Variants in BBS9 observed in about 807,000 individuals in gnomAD.
BBS9 encodes the protein protein PTHB1.
BBS9 carries 89 observed loss-of-function variants against 117.7 expected under a neutral mutation model. The ratio of observed to expected loss-of-function variants is 0.76; its 90% CI spans 0.64 to 0.90. BBS9 has a LOEUF of 0.90. Ranked by LOEUF, BBS9 falls within the 40% of genes least tolerant of loss-of-function variation. BBS9 has a pLI of 0.00. For synonymous variants in BBS9, 379 were observed against 370.9 expected, an observed-to-expected ratio of 1.02 and a Z score of -0.25; for missense variants, 982 against 1,042.2, an observed-to-expected ratio of 0.94 and a Z score of 0.80.
chr7:33,420,444 T>G (rs2128853325), intron 19 of BBS9, among the ~76,000 whole-genome samples: 1 of 152,298 alleles, frequency 6.6e-6, no homozygotes, highest in Non-Finnish European at 1.5e-5. Flanking sequence ...GGTCTGGGTT[T>G]GCTGCCTGAC....
chr7:33,349,431 T>C (rs1002256934), intron 13 of BBS9: 7 of 464,040 alleles, frequency 1.5e-5, no homozygotes, highest in South Asian at 3.4e-5. Context: ...TAATTGTTTT[T>C]GATTTATTTA....
At chr7:33,222,078 A>T (rs1178029447) in intron 5 of BBS9, among the ~76,000 whole-genome samples, 1 of 152,168 alleles carries the variant, frequency 6.6e-6, no homozygotes, top group Admixed American at 6.5e-5. Flanking sequence ...AGATACAATG[A>T]TGTGTTTGAA....
At chr7:33,238,732 T>A (rs1200477465) in intron 5 of BBS9, among the ~76,000 whole-genome samples, 2 of 152,178 alleles carry the variant, frequency 1.3e-5, no homozygotes, top group Admixed American at 1.3e-4. Context: ...TTTTTTAGCC[T>A]TTTTACTGTG....
At chr7:33,488,194 T>A (rs1843377251) in intron 19 of BBS9, among the ~76,000 whole-genome samples, 1 of 152,200 alleles carries the variant, frequency 6.6e-6, no homozygotes, top group African/African-American at 2.4e-5. Context: ...GTGCTGTCCA[T>A]CTACTTGCAC....
chr7:33,458,628 G>A (rs1229309394), intron 19 of BBS9, among the ~76,000 whole-genome samples: 3 of 152,162 alleles, frequency 2.0e-5, no homozygotes, highest in Non-Finnish European at 2.9e-5. Context: ...ATGAGTTACA[G>A]TGAATTTGGC....
chr7:33,558,128 G>A lies in BBS9; in HGVS notation c.2521+23952G>A, dbSNP rs138337510. Among the ~76,000 whole-genome samples, 144 of 152,170 alleles carry A rather than the reference G, an allele frequency of 9.5e-4. 1 individual carries two copies. Among genetic ancestry groups the A allele is most frequent in the African/African-American group, 3.3e-3 (136 of 41,492 alleles). ...TATTTTATAAATCCTTATTGAATAC[G>A]TACTCTGTGCCCATTCTGATACTAT... On this transcript the variant is annotated intron_variant, in intron 21 of 22. Transcript: ENST00000242067.
intron 6 of BBS9, among the ~76,000 whole-genome samples, chr7:33,260,691 T>A (rs1449608959): frequency 6.6e-6 from 1 of 152,212 alleles, no homozygotes; most frequent in Non-Finnish European, 1.5e-5. Context: ...CCTCAAATAG[T>A]ATTCAAGGAG....
chr7:33,295,853 T>C (rs1272103445), intron 9 of BBS9, among the ~76,000 whole-genome samples: 1 of 152,044 alleles, frequency 6.6e-6, no homozygotes, highest in Non-Finnish European at 1.5e-5. Flanking sequence ...AAGTTACAAA[T>C]TGACACCACT....
At chr7:33,483,385 A>G (rs1163719852) in intron 19 of BBS9, among the ~76,000 whole-genome samples, 3 of 152,166 alleles carry the variant, frequency 2.0e-5, no homozygotes, top group Non-Finnish European at 4.4e-5. Context: ...GCTCTGTTCA[A>G]TGATAATGGT....
At chr7:33,499,221 G>T (rs557061591) in intron 19 of BBS9, among the ~76,000 whole-genome samples, 1 of 152,282 alleles carries the variant, frequency 6.6e-6, no homozygotes, top group African/African-American at 2.4e-5. Context: ...AAAACTTTTT[G>T]AATCAGACAC....
chr7:33,551,438 TA>T (rs1854398732), intron 21 of BBS9, among the ~76,000 whole-genome samples: 1 of 149,418 alleles, frequency 6.7e-6, no homozygotes, highest in South Asian at 2.1e-4. Context: ...CCTTTCAAAA[TA>T]AGATAAGACA....
downstream of BBS9, among the ~76,000 whole-genome samples, chr7:33,609,362 G>T (rs929739704): frequency 6.6e-6 from 1 of 152,048 alleles, no homozygotes; most frequent in African/African-American, 2.4e-5. Flanking sequence ...TTCTTCATTA[G>T]CTAGATTATT....
intron 9 of BBS9, among the ~76,000 whole-genome samples, chr7:33,318,769 T>C (rs558719548): frequency 6.6e-6 from 1 of 152,186 alleles, no homozygotes; most frequent in South Asian, 2.1e-4. Flanking sequence ...CAAAGTCCAT[T>C]GTATCATTCT....
At chr7:33,153,417 T>G (rs1395474859) in intron 3 of BBS9, among the ~76,000 whole-genome samples, 1 of 152,242 alleles carries the variant, frequency 6.6e-6, no homozygotes, top group African/African-American at 2.4e-5. Context: ...GCTTTTTATT[T>G]ACTGATGATA....
intron 1 of BBS9, among the ~76,000 whole-genome samples, chr7:33,135,825 C>T (rs1255027165): frequency 6.6e-6 from 1 of 152,082 alleles, no homozygotes; most frequent in African/African-American, 2.4e-5. Flanking sequence ...GAGATGTTTT[C>T]CATTTATTTA....
chr7:33,398,349 C>G (rs779178939), intron 19 of BBS9, among the ~76,000 whole-genome samples: 3 of 151,902 alleles, frequency 2.0e-5, no homozygotes, highest in Admixed American at 1.3e-4. Flanking sequence ...TTGAATTATT[C>G]CATATATGAG....
In BBS9 at chr7:33,592,483, C is replaced by T. The variant is rs1018198234; in HGVS notation, c.2522-12382C>T. On this transcript the variant is annotated intron_variant, in intron 21 of 22. Coordinates refer to ENST00000242067, the MANE Select transcript of BBS9 (RefSeq NM_198428.3). ...GTGTATTTCTCTTTTCTTTAAAATA[C>T]GACATTGTTTAATGGGCTGTTAAAC... Among the ~76,000 whole-genome samples the T allele has an allele frequency of 1.1e-4, 16 of 152,114 alleles. No homozygotes were observed. The East Asian group carries it at 1.2e-3, about 11-fold the overall frequency.
chr7:33,460,589 A>G (rs1012254531), intron 19 of BBS9, among the ~76,000 whole-genome samples: 1 of 152,030 alleles, frequency 6.6e-6, no homozygotes, highest in Non-Finnish European at 1.5e-5. Context: ...TGTTCAAGGT[A>G]TTCTTAATTT....
rs147947701 is a variant in BBS9, at chr7:33,226,385, T to C, written c.443-30851T>C. ...GATTTTATATCTGATAGGTCTTTTA[T>C]TGATAAGTGTTAGATAAGTGCTGCT... On this transcript the variant is annotated intron_variant, in intron 5 of 22. Transcript: ENST00000242067. 1.4e-4 allele frequency among the ~76,000 whole-genome samples: 22 copies of C among 152,340 alleles called. No homozygotes were observed. In the East Asian group the frequency reaches 4.2e-3, roughly 29 times the overall value.
Sources: gnomAD v4.1 joint callset for allele counts (sites outside exome capture counted in the v4.1 genomes callset) on GRCh38, gnomAD v4.1.1 for gene constraint, MANE v1.5 for transcripts, NCBI Gene and HGNC (gene_info 2026-07-23, HGNC 2026-07-21) for gene names.